Variants in TP53TG5 observed in about 807,000 individuals in gnomAD.
TP53TG5 encodes TP53 target 5.
In TP53TG5, 17 loss-of-function variants were observed where a neutral mutation model predicts 30.0. That is an observed-to-expected ratio of 0.57 (90% CI 0.39 to 0.85). The LOEUF (loss-of-function observed/expected upper bound fraction) is 0.85. Ranked by LOEUF, TP53TG5 falls within the 40% of genes least tolerant of loss-of-function variation. The probability of loss-of-function intolerance (pLI) is 0.00; values close to 1 mark genes in which losing one functional copy is unlikely to be tolerated. For missense variants in TP53TG5, 338 were observed against 367.9 expected (o/e 0.92, Z 0.67); for synonymous variants, 137 against 139.2 (o/e 0.98, Z 0.11).
Position 45,373,500 on chromosome 20 carries a change from C to T in TP53TG5, c.*407G>A, listed in dbSNP as rs988753074. On this transcript the variant is annotated 3_prime_UTR_variant, in exon 5 of 5. Transcript: ENST00000372726. ...ACTTCTGAGCAGGCTCTCATTTCGC[C>T]TTTTCCCTTTCTTGGGAAAATGGAA... 8.2e-6 allele frequency: 2 copies of T among 244,490 alleles called. No individual in the cohort carries two copies. Among genetic ancestry groups the T allele is most frequent in the Non-Finnish European group, 1.6e-5 (2 of 123,034 alleles). The allele number at this position is 244,490 out of a possible 1,614,324, so 15.1% of individuals were successfully genotyped here. A position where few individuals can be genotyped will look rare whatever the true frequency, so the allele number is the denominator to read the frequency against.
chr20:45,377,189 A>G, intron 3 of TP53TG5, 23 bp downstream of exon 3: 1 of 1,612,364 alleles, frequency 6.2e-7, no homozygotes, highest in East Asian at 2.2e-5. Flanking sequence ...TGGGTCCATT[A>G]TGGGGGCCAG....
chr20:45,374,179 C>T, intron 4 of TP53TG5, 168 bp from the exon 5 acceptor site: 1 of 678,540 alleles, frequency 1.5e-6, no homozygotes, highest in Non-Finnish European at 2.6e-6. Context: ...GCACTCACCC[C>T]CTTCCTTTCG....
In TP53TG5 at chr20:45,373,975, T is replaced by G; in HGVS notation, c.805A>C (p.Arg269=). The G allele has an allele frequency of 2.5e-6, 4 of 1,614,076 alleles. No homozygotes were observed. The highest frequency in any genetic ancestry group is 3.4e-6 in the Non-Finnish European group (4 of 1,180,018). The stretch of plus-strand genomic sequence containing the variant: ...AGCTGATGGCGCGATCTCCACCCTC[T>G]GCTCGCACCTCTGGCTCTCGTCCAG... ...VTWTRARGAS[R]GWRSRHQLKG... is the part of the protein sequence containing the mutation. Residue 269 remains arginine, a synonymous_variant, in exon 5 of 5, where the codon AGA becomes CGA. Coordinates refer to ENST00000372726, the MANE Select transcript of TP53TG5 (RefSeq NM_014477.3).
At chr20:45,378,065 C>T (rs1045428299) in intron 1 of TP53TG5, 124 bp downstream of exon 1, 1 of 1,335,102 alleles carries the variant, frequency 7.5e-7, no homozygotes, top group Non-Finnish European at 1.1e-6. Flanking sequence ...ACTCTCCTGA[C>T]CTCCCTTCAC....
In TP53TG5 at chr20:45,375,061, A is replaced by G. The variant is rs751611617; in HGVS notation, c.746T>C (p.Met249Thr). 117 of 1,613,840 alleles carry G rather than the reference A, an allele frequency of 7.2e-5. No homozygotes were observed. In the Admixed American group the frequency reaches 1.1e-3, roughly 16 times the overall value. Residue 249 changes from methionine to threonine, a missense_variant, in exon 4 of 5, where the codon ATG becomes ACG. By Grantham distance (81) the Met-to-Thr change is moderately conservative (BLOSUM62 -1). Coordinates refer to ENST00000372726, the MANE Select transcript of TP53TG5 (RefSeq NM_014477.3). Reference sequence around the variant, plus strand: ...CACCTTGTATGGATGCCACATAGGCATTTCAAGTGATGCGGAGCAGAAGCG... The same window carrying G: ...CACCTTGTATGGATGCCACATAGGCGTTTCAAGTGATGCGGAGCAGAAGCG... ...CTRFCSASLE[M>T]PMWHPYKVDV...
rs751007520 is a variant in TP53TG5 at position 45,375,556 on chromosome 20, G to A, written c.255-4C>T. ...TTTATTGCAGGCACTGTTTTCCCTG[G>A]CAGGGAGAGGAAAGGCAGTCAGCAC... is the stretch of plus-strand genomic sequence containing the variant. On this transcript the variant is annotated splice_polypyrimidine_tract_variant and splice_region_variant and intron_variant, in intron 3 of 4. Transcript: ENST00000372726. 4 of 1,601,792 alleles carry A rather than the reference G, an allele frequency of 2.5e-6. No homozygotes were observed. Among genetic ancestry groups the A allele is most frequent in the Non-Finnish European group, 3.4e-6 (4 of 1,178,290 alleles).
Position 45,378,294 on chromosome 20 carries a change from CT to C in TP53TG5, c.-59del. ...GCAACACCAGTGCCAGGCACCAACC[CT>C]GTTCCTCTCAGTTCAGCCAGCACTC... On this transcript the variant is annotated 5_prime_UTR_variant, in exon 1 of 5. Coordinates refer to ENST00000372726, the MANE Select transcript of TP53TG5 (RefSeq NM_014477.3). 6.2e-7 allele frequency: 1 copy of C among 1,612,282 alleles called. No individual in the cohort carries two copies. Among genetic ancestry groups the C allele is most frequent in the Non-Finnish European group, 8.5e-7 (1 of 1,179,426 alleles).
At chr20:45,377,052 C>T (rs923769046) in intron 3 of TP53TG5, 160 bp downstream of exon 3, 5 of 903,254 alleles carry the variant, frequency 5.5e-6, no homozygotes, top group Non-Finnish European at 8.2e-6. Context: ...GTCACTTCAC[C>T]TCTTCAGCCT....
At chr20:45,374,970 G>C in intron 4 of TP53TG5, 69 bp downstream of exon 4, 2 of 1,546,824 alleles carry the variant, frequency 1.3e-6, no homozygotes, top group Non-Finnish European at 1.7e-6. Flanking sequence ...CCTGACTCTG[G>C]GGCCCAGCTC....
chr20:45,374,733 G>T, intron 4 of TP53TG5: 1 of 458,832 alleles, frequency 2.2e-6, no homozygotes, highest in South Asian at 3.9e-5. Context: ...CTGACTGTGA[G>T]ATTCAGAGCC....
At chr20:45,374,207 C>T (rs1988648139) in intron 4 of TP53TG5, 196 bp from the exon 5 acceptor site, 1 of 677,820 alleles carries the variant, frequency 1.5e-6, no homozygotes, top group Non-Finnish European at 2.7e-6. Context: ...TTCATTCTCC[C>T]ACGAAAGGGC....
chr20:45,376,327 G>A (rs535233645), intron 3 of TP53TG5: 1 of 152,234 alleles, frequency 6.6e-6, no homozygotes, highest in Non-Finnish European at 1.5e-5. Context: ...TGAGGCCTTG[G>A]GCTGCAGATA....
At position 45,373,619 on chromosome 20, in the gene TP53TG5, C is replaced by A. The variant is rs772429441; in HGVS notation, c.*288G>T. On this transcript the variant is annotated 3_prime_UTR_variant, in exon 5 of 5. Transcript: ENST00000372726. Reference sequence around the variant, plus strand: ...GCCTCCGCGCCGCGGTTTCCTCTTGCGAGCTCGCGGGGCGATTGTGAGGCA... The same window carrying A: ...GCCTCCGCGCCGCGGTTTCCTCTTGAGAGCTCGCGGGGCGATTGTGAGGCA... The A allele has an allele frequency of 6.7e-6, 3 of 447,408 alleles. No individual in the cohort carries two copies. In the Admixed American group the frequency reaches 1.0e-4, roughly 15 times the overall value. The allele number at this position is 447,408 out of a possible 1,614,324, so 27.7% of individuals were successfully genotyped here. A position where few individuals can be genotyped will look rare whatever the true frequency, so the allele number is the denominator to read the frequency against.
chr20:45,376,186 G>C (rs1296038914), intron 3 of TP53TG5: 3 of 152,228 alleles, frequency 2.0e-5, no homozygotes, highest in Admixed American at 2.0e-4. Flanking sequence ...AAATCAGAAA[G>C]AGGAGCCCAG....
chr20:45,375,843 C>G (rs770749913), intron 3 of TP53TG5: 1 of 394,966 alleles, frequency 2.5e-6, no homozygotes, highest in Non-Finnish European at 4.6e-6. Flanking sequence ...CTCTGGACTT[C>G]AGCTGGGAGG....
At chr20:45,374,138 GA>G in intron 4 of TP53TG5, 127 bp from the exon 5 acceptor site, 1 of 832,870 alleles carries the variant, frequency 1.2e-6, no homozygotes, top group East Asian at 2.6e-5. Context: ...TGCTAAAAAG[GA>G]AAAGCCTCCC....
intron 4 of TP53TG5, 26 bp downstream of exon 4, chr20:45,375,013 C>A (rs1302948785): frequency 5.6e-6 from 9 of 1,598,910 alleles, no homozygotes; most frequent in Non-Finnish European, 7.7e-6. Context: ...TCTCACCTAG[C>A]CTGGCAGTGT....
Position 45,375,167 on chromosome 20 carries a change from G to A in TP53TG5, c.640C>T (p.Leu214=), listed in dbSNP as rs372269621. Residue 214 remains leucine (L), a synonymous_variant, in exon 4 of 5, where the codon CTG becomes TTG. Coordinates refer to ENST00000372726, the MANE Select transcript of TP53TG5 (RefSeq NM_014477.3). ...VADQWIWFEG[L]PTRIHLPAPR... ...GCCGGGAGGTGGATTCGTGTGGGCA[G>A]CCCCTCAAACCAGATCCACTGGTCG... is the stretch of plus-strand genomic sequence containing the variant. 4 of 1,614,198 alleles carry A rather than the reference G, an allele frequency of 2.5e-6. No homozygotes were observed. Among genetic ancestry groups the A allele is most frequent in the East Asian group, 4.5e-5 (2 of 44,884 alleles).
Position 45,373,918 on chromosome 20 carries a change from C to G in TP53TG5, c.862G>C (p.Val288Leu). The change falls in exon 5 of 5, where the codon GTC (valine) becomes CTC (leucine). Residue 288 changes from valine (V) to leucine (L), a missense_variant. Coordinates refer to ENST00000372726, the MANE Select transcript of TP53TG5 (RefSeq NM_014477.3). Reference protein sequence around the residue: ...KGRNGWRNSRVYK With the variant: ...KGRNGWRNSRLYK ...CCATATGGAAGATCTTATTTGTAGA[C>G]TCGTGAATTTCGCCACCCATTCCTC... is the stretch of plus-strand genomic sequence containing the variant. 1 of 1,613,984 alleles carries G rather than the reference C, an allele frequency of 6.2e-7. No homozygotes were observed.
Sources: gnomAD v4.1 joint callset for allele counts on GRCh38, gnomAD v4.1.1 for gene constraint, MANE v1.5 for transcripts, NCBI Gene and HGNC (gene_info 2026-07-23, HGNC 2026-07-21) for gene names.